The following SNX33 variants were observed in gnomAD, a reference collection of about 807,000 sequenced individuals.
SNX33 encodes sorting nexin-33.
In SNX33, 19 loss-of-function variants were observed where a neutral mutation model predicts 38.8. The observed-to-expected ratio is 0.49, with a 90% CI of 0.34 to 0.72. SNX33 has a LOEUF of 0.72. SNX33 is among the 30% of genes least tolerant of loss of function. SNX33 has a pLI of 0.01. For synonymous variants in SNX33, 246 were observed against 289.7 expected, an observed-to-expected ratio of 0.85 and a Z score of 1.53; for missense variants, 641 against 776.4, an observed-to-expected ratio of 0.83 and a Z score of 2.07.
Position 75,658,737 on chromosome 15 carries a change from G to A in SNX33, c.*1522G>A, listed in dbSNP as rs774355355. The A allele has an allele frequency of 1.3e-5, 2 of 152,400 alleles. No individual in the cohort carries two copies. Among genetic ancestry groups the A allele is most frequent in the African/African-American group, 4.8e-5 (2 of 41,450 alleles). 9.4% of individuals were successfully genotyped at this position (152,400 alleles called of 1,614,324 possible). ...CCATTGGATGAGATTCTGAGGTCGT[G>A]GTGGGCACAAATTTTCCACAGAACC... On this transcript the variant is annotated 3_prime_UTR_variant, in exon 2 of 2. Coordinates refer to ENST00000308527, the MANE Select transcript of SNX33 (RefSeq NM_153271.2). This position sits in a 1 kb window ranked among gnomAD's most constrained non-coding sequence, Gnocchi z 4.1.
chr15:75,651,133 A>T (rs558333852), intron 1 of SNX33, among the ~76,000 whole-genome samples: 2 of 152,340 alleles, frequency 1.3e-5, no homozygotes, highest in Non-Finnish European at 2.9e-5. Flanking sequence ...TGGGAGACAC[A>T]GACCCAACCC....
rs1363985278 is a variant in SNX33 at position 75,659,495 on chromosome 15, C to A, written c.*2280C>A. ...GACTTTCTGAGGAATTTTCCCCTCT[C>A]TCCACCCTGCCCCATTTTCTAACCC... On this transcript the variant is annotated 3_prime_UTR_variant, in exon 2 of 2. Coordinates refer to ENST00000308527, the MANE Select transcript of SNX33 (RefSeq NM_153271.2). 1.3e-5 allele frequency: 2 copies of A among 152,366 alleles called. No homozygotes were observed. The highest frequency in any genetic ancestry group is 4.8e-5 in the African/African-American group (2 of 41,460). 9.4% of individuals were successfully genotyped at this position (152,366 alleles called of 1,614,324 possible).
chr15:75,648,028 G>T lies in SNX33; in HGVS notation c.-1075G>T, dbSNP rs1283256437. ...CTGGCCGGGCCCCGCAGGGCGGAGAGGAGGACGGACGGACAGACGGCTGGC... is the reference window on the plus strand; with the variant it reads ...CTGGCCGGGCCCCGCAGGGCGGAGATGAGGACGGACGGACAGACGGCTGGC... On this transcript the variant is annotated 5_prime_UTR_variant, in exon 1 of 2. The change creates a new upstream start codon in the 5' untranslated region. Transcript: ENST00000308527. The surrounding 1 kb of genome is among the most constrained non-coding windows in gnomAD (Gnocchi z 4.4). 8.1e-6 allele frequency: 8 copies of T among 985,398 alleles called. No individual in the cohort carries two copies. The African/African-American group carries it at 1.0e-4, about 13-fold the overall frequency. 61.0% of individuals were successfully genotyped at this position (985,398 alleles called of 1,614,324 possible).
chr15:75,657,560 G>GCAGACAC lies in SNX33; in HGVS notation c.*347_*353dup, dbSNP rs1363101246. ...TGGCCACTGCTGCCTTATCCATTCA[G>GCAGACAC]CAGACACCGAGGCCTGCTGCACCCT... On this transcript the variant is annotated 3_prime_UTR_variant, in exon 2 of 2. Coordinates refer to ENST00000308527, the MANE Select transcript of SNX33 (RefSeq NM_153271.2). The surrounding 1 kb of genome is among the most constrained non-coding windows in gnomAD (Gnocchi z 5.5). 3 of 367,768 alleles carry GCAGACAC rather than the reference G, an allele frequency of 8.2e-6. No individual in the cohort carries two copies. Among genetic ancestry groups the GCAGACAC allele is most frequent in the Non-Finnish European group, 1.5e-5 (3 of 193,842 alleles). The allele number at this position is 367,768 out of a possible 1,614,324, so 22.8% of individuals were successfully genotyped here. A position where few individuals can be genotyped will look rare whatever the true frequency, so the allele number is the denominator to read the frequency against.
rs1158843266 is a variant in SNX33, at chr15:75,660,715, C to G, written c.*3500C>G. The G allele has an allele frequency of 6.5e-6, 1 of 152,682 alleles. No homozygotes were observed. 9.5% of individuals were successfully genotyped at this position (152,682 alleles called of 1,614,324 possible). A position where few individuals can be genotyped will look rare whatever the true frequency, so the allele number is the denominator to read the frequency against. The stretch of plus-strand genomic sequence containing the variant: ...ACAGTGACACATACTCGGGCACACA[C>G]CGCCACAAAGCCATGCTTGCACAGA... On this transcript the variant is annotated 3_prime_UTR_variant, in exon 2 of 2. Transcript: ENST00000308527.
rs1298900514 is a variant in SNX33, at chr15:75,648,371, C to T, written c.-732C>T. ...GAGAGGGCGCCCGAGCCGGCGGGGG[C>T]TCCGGCTGCGCAGCCGGGGTCGAAG... On this transcript the variant is annotated 5_prime_UTR_variant, in exon 1 of 2. Transcript: ENST00000308527. The surrounding 1 kb of genome is among the most constrained non-coding windows in gnomAD (Gnocchi z 4.4). The T allele has an allele frequency of 1.0e-6, 1 of 985,412 alleles. No homozygotes were observed. Among genetic ancestry groups the T allele is most frequent in the East Asian group, 1.1e-4 (1 of 8,788 alleles). 61.0% of individuals were successfully genotyped at this position (985,412 alleles called of 1,614,324 possible).
intron 1 of SNX33, among the ~76,000 whole-genome samples, chr15:75,652,190 A>C (rs1893592964): frequency 6.6e-6 from 1 of 152,120 alleles, no homozygotes. Flanking sequence ...CCAGTGAGCC[A>C]TCAGGCCTTC....
At position 75,658,055 on chromosome 15, in the gene SNX33, T is replaced by C. The variant is rs1001408101; in HGVS notation, c.*840T>C. On this transcript the variant is annotated 3_prime_UTR_variant, in exon 2 of 2. Transcript: ENST00000308527. This position sits in a 1 kb window ranked among gnomAD's most constrained non-coding sequence, Gnocchi z 4.1. ...CATCTCCCTCCTGTAGGCCTCTGAC[T>C]CCCCTCCACTTTTGGGCCCTCAGCT... 6.6e-6 allele frequency: 1 copy of C among 152,408 alleles called. No homozygotes were observed. Among genetic ancestry groups the C allele is most frequent in the Non-Finnish European group, 1.5e-5 (1 of 68,014 alleles). 9.4% of individuals were successfully genotyped at this position (152,408 alleles called of 1,614,324 possible). A position where few individuals can be genotyped will look rare whatever the true frequency, so the allele number is the denominator to read the frequency against.
At chr15:75,651,691 G>A (rs1893582276) in intron 1 of SNX33, among the ~76,000 whole-genome samples, 1 of 152,264 alleles carries the variant, frequency 6.6e-6, no homozygotes, top group African/African-American at 2.4e-5. Context: ...AGCTGGGAGG[G>A]CAGATGTCAG....
rs1440943442 is a variant in SNX33 at position 75,661,823 on chromosome 15, G to A, written c.*4608G>A. 6.6e-6 allele frequency: 1 copy of A among 152,176 alleles called. No homozygotes were observed. Among genetic ancestry groups the A allele is most frequent in the Non-Finnish European group, 1.5e-5 (1 of 68,038 alleles). 9.4% of individuals were successfully genotyped at this position (152,176 alleles called of 1,614,324 possible). On this transcript the variant is annotated 3_prime_UTR_variant, in exon 2 of 2. Coordinates refer to ENST00000308527, the MANE Select transcript of SNX33 (RefSeq NM_153271.2). This position sits in a 1 kb window ranked among gnomAD's most constrained non-coding sequence, Gnocchi z 4.5. ...ACTCATTTAGGGCCAAAGGAAGAAG[G>A]GGAGGCAGATTTCCCCTCTAGATGA...
rs1893690293 is a variant in SNX33, at chr15:75,658,984, GA to G, written c.*1770del. 1 of 152,230 alleles carries G rather than the reference GA, an allele frequency of 6.6e-6. No homozygotes were observed. 9.4% of individuals were successfully genotyped at this position (152,230 alleles called of 1,614,324 possible). A position where few individuals can be genotyped will look rare whatever the true frequency, so the allele number is the denominator to read the frequency against. ...ACGCTGTGCCCTAGGACAATTAATA[GA>G]TGGTGGCTCCTCTCCCCAAGGAGCC... On this transcript the variant is annotated 3_prime_UTR_variant, in exon 2 of 2. Coordinates refer to ENST00000308527, the MANE Select transcript of SNX33 (RefSeq NM_153271.2). This position sits in a 1 kb window ranked among gnomAD's most constrained non-coding sequence, Gnocchi z 4.1.
rs757694729 is a variant in SNX33, at chr15:75,649,636, G to A, written c.534G>A (p.Val178=). Residue 178 remains valine (V), a synonymous_variant, in exon 1 of 2, where the codon GTG becomes GTA. Coordinates refer to ENST00000308527, the MANE Select transcript of SNX33 (RefSeq NM_153271.2). The surrounding 1 kb of genome is among the most constrained non-coding windows in gnomAD (Gnocchi z 6.6). ...DSLASAKRGS[V]VGRNLNRFSC... ...TGGCATCTGCCAAGCGAGGCAGTGT[G>A]GTGGGCCGTAACCTCAACCGTTTCT... The A allele has an allele frequency of 2.7e-5, 44 of 1,610,656 alleles. No individual in the cohort carries two copies. The highest frequency in any genetic ancestry group is 3.6e-5 in the Non-Finnish European group (43 of 1,178,088).
Position 75,650,484 on chromosome 15 carries a change from C to T in SNX33, c.1382C>T (p.Pro461Leu), listed in dbSNP as rs1287212568. Residue 461 changes from proline (P) to leucine (L), a missense_variant, in exon 1 of 2, where the codon CCC (proline) becomes CTC (leucine). By Grantham distance (98) the Pro-to-Leu change is moderately conservative (BLOSUM62 -3). Around this residue, in one of 2 missense-constraint regions of SNX33, gnomAD observed 398 missense variants for 542.5 expected, o/e 0.73. Transcript: ENST00000308527. The surrounding 1 kb of genome is among the most constrained non-coding windows in gnomAD (Gnocchi z 6.1). Reference sequence around the variant, plus strand: ...ATCGGGGAGATGTTTGCTGAGCAGCCCAAGAATGACCTCTTCCAGATGCTG... The same window carrying T: ...ATCGGGGAGATGTTTGCTGAGCAGCTCAAGAATGACCTCTTCCAGATGCTG... ...EAIGEMFAEQ[P>L]KNDLFQMLDT... 6.2e-7 allele frequency: 1 copy of T among 1,614,074 alleles called. No homozygotes were observed. Among genetic ancestry groups the T allele is most frequent in the South Asian group, 1.1e-5 (1 of 91,072 alleles).
At position 75,650,025 on chromosome 15, in the gene SNX33, G is replaced by C; in HGVS notation, c.923G>C (p.Arg308Pro). ...FEEDFIEKRK[R>P]RLILWMDHMT... ...GAGGACTTCATCGAAAAGCGGAAGCGGAGACTCATCCTCTGGATGGACCAC... is the reference window on the plus strand; with the variant it reads ...GAGGACTTCATCGAAAAGCGGAAGCCGAGACTCATCCTCTGGATGGACCAC... The change falls in exon 1 of 2, where the codon CGG becomes CCG. Residue 308 changes from arginine to proline, a missense_variant. Transcript: ENST00000308527. This position sits in a 1 kb window ranked among gnomAD's most constrained non-coding sequence, Gnocchi z 6.1. 1 of 1,604,326 alleles carries C rather than the reference G, an allele frequency of 6.2e-7. No homozygotes were observed. Among genetic ancestry groups the C allele is most frequent in the Non-Finnish European group, 8.5e-7 (1 of 1,175,564 alleles).
At position 75,657,196 on chromosome 15, in the gene SNX33, G is replaced by A. The variant is rs754536439; in HGVS notation, c.1706G>A (p.Arg569His). The A allele has an allele frequency of 1.2e-5, 20 of 1,614,080 alleles. No individual in the cohort carries two copies. Among genetic ancestry groups the A allele is most frequent in the East Asian group, 1.1e-4 (5 of 44,886 alleles). ...GGCCAGCAGCTGGAGAAGACCCTGC[G>A]CATGTATGACAACCTCTGACCGCGT... ...RVGQQLEKTL[R>H]MYDNL The change falls in exon 2 of 2, where the codon CGC becomes CAC. Residue 569 changes from arginine to histidine, a missense_variant. Physicochemically the swap from Arg to His is conservative, Grantham distance 29. Transcript: ENST00000308527. The surrounding 1 kb of genome is among the most constrained non-coding windows in gnomAD (Gnocchi z 5.5).
chr15:75,653,928 C>T (rs1893617912), intron 1 of SNX33, among the ~76,000 whole-genome samples: 1 of 151,868 alleles, frequency 6.6e-6, no homozygotes. Flanking sequence ...CCTGTCTCTA[C>T]TAAAAATACA....
rs980547903 is a variant in SNX33 at position 75,658,782 on chromosome 15, C to T, written c.*1567C>T. 10 of 152,326 alleles carry T rather than the reference C, an allele frequency of 6.6e-5. No homozygotes were observed. The East Asian group carries it at 7.7e-4, about 12-fold the overall frequency. 9.4% of individuals were successfully genotyped at this position (152,326 alleles called of 1,614,324 possible). A position where few individuals can be genotyped will look rare whatever the true frequency, so the allele number is the denominator to read the frequency against. On this transcript the variant is annotated 3_prime_UTR_variant, in exon 2 of 2. Transcript: ENST00000308527. This position sits in a 1 kb window ranked among gnomAD's most constrained non-coding sequence, Gnocchi z 4.1. ...AGAACCTCAAAAGTTCAGGGGAGGG[C>T]TATGCTGGTGGAAGGTGCCAGCAGG...
chr15:75,649,302 A>C lies in SNX33; in HGVS notation c.200A>C (p.His67Pro). The C allele has an allele frequency of 6.2e-7, 1 of 1,606,388 alleles. No individual in the cohort carries two copies. Among genetic ancestry groups the C allele is most frequent in the Admixed American group, 1.7e-5 (1 of 59,376 alleles). The change falls in exon 1 of 2, where the codon CAT (histidine) becomes CCT (proline). Residue 67 changes from histidine to proline, a missense_variant. Coordinates refer to ENST00000308527, the MANE Select transcript of SNX33 (RefSeq NM_153271.2). The surrounding 1 kb of genome is among the most constrained non-coding windows in gnomAD (Gnocchi z 6.6). ...GTCCGTTCTGGCATCAGCACCAACC[A>C]TGCTGACTACTCCAGCAGCCCTGCA... ...EIVRSGISTN[H>P]ADYSSSPAGS...
chr15:75,650,600 C>T lies in SNX33; in HGVS notation c.1471+27C>T, dbSNP rs780215418. The T allele has an allele frequency of 1.2e-5, 19 of 1,554,164 alleles. No individual in the cohort carries two copies. The highest frequency in any genetic ancestry group is 6.8e-5 in the African/African-American group (5 of 73,360). ...TAAGGCCCAGTGCAGGCAGGAAACTCGTCCTGAGTCTGGCTCTCTGCTGGG... is the reference window on the plus strand; with the variant it reads ...TAAGGCCCAGTGCAGGCAGGAAACTTGTCCTGAGTCTGGCTCTCTGCTGGG... On this transcript the variant is annotated intron_variant, in intron 1 of 1. Coordinates refer to ENST00000308527, the MANE Select transcript of SNX33 (RefSeq NM_153271.2). This position sits in a 1 kb window ranked among gnomAD's most constrained non-coding sequence, Gnocchi z 6.1.
Sources: gnomAD v4.1 joint callset for allele counts (sites outside exome capture counted in the v4.1 genomes callset) on GRCh38, gnomAD v4.1.1 for gene constraint, gnomAD v4.1.1 regional missense constraint, Gnocchi (gnomAD v3.1) non-coding constraint, MANE v1.5 for transcripts, NCBI Gene and HGNC (gene_info 2026-07-23, HGNC 2026-07-21) for gene names.